The following MNAT1 variants were observed in gnomAD, a reference collection of about 807,000 sequenced individuals.
The protein encoded by MNAT1 is CDK-activating kinase assembly factor MAT1.
In MNAT1, 43 loss-of-function variants were observed where a neutral mutation model predicts 42.0. That is an observed-to-expected ratio of 1.02 (90% confidence interval 0.80 to 1.32). The LOEUF (loss-of-function observed/expected upper bound fraction) is 1.32. MNAT1 is among the 40% of genes most tolerant of loss of function. The probability of loss-of-function intolerance (pLI) is 0.00; values close to 1 mark genes in which losing one functional copy is unlikely to be tolerated. For missense variants in MNAT1, 306 were observed against 350.4 expected, an observed-to-expected ratio of 0.87 and a Z score of 1.01; for synonymous variants, 118 against 120.0, an observed-to-expected ratio of 0.98 and a Z score of 0.11.
intron 1 of MNAT1, among the ~76,000 whole-genome samples, chr14:60,786,607 A>C (rs1369897240): frequency 6.6e-6 from 1 of 152,198 alleles, no homozygotes; most frequent in African/African-American, 2.4e-5. Flanking sequence ...AACCTATTAC[A>C]TGTTACCACA....
intron 6 of MNAT1, among the ~76,000 whole-genome samples, chr14:60,825,601 A>G (rs1409323594): frequency 6.6e-6 from 1 of 152,202 alleles, no homozygotes; most frequent in Non-Finnish European, 1.5e-5. Context: ...TTATATCTTC[A>G]TAAAATAGAT....
chr14:60,740,419 AT>A lies in MNAT1; in HGVS notation c.89+5472del, dbSNP rs1469673486. ...GGATAGTTTATCCTGAAGAGTCCGA[AT>A]TTTGCTTATTGCATCTCTGTGATAT... On this transcript the variant is annotated intron_variant, in intron 1 of 7. Transcript: ENST00000261245. The surrounding 1 kb of genome is among the most constrained non-coding windows in gnomAD (Gnocchi z 4.1). 1.3e-5 allele frequency among the ~76,000 whole-genome samples: 2 copies of A among 151,766 alleles called. No individual in the cohort carries two copies. The highest frequency in any genetic ancestry group is 2.9e-5 in the Non-Finnish European group (2 of 67,974).
At chr14:60,746,447 GGAGGTTGCAGTGAGCC>G (rs1469296432) in intron 1 of MNAT1, among the ~76,000 whole-genome samples, 4 of 151,704 alleles carry the variant, frequency 2.6e-5, no homozygotes, top group Non-Finnish European at 2.9e-5. Flanking sequence ...CCTGGGAGGT[GGAGGTTGCAGTGAGCC>G]GAGACCGCAC....
chr14:60,826,475 C>A (rs1448119301), intron 6 of MNAT1, among the ~76,000 whole-genome samples: 4 of 151,950 alleles, frequency 2.6e-5, no homozygotes, highest in Non-Finnish European at 4.4e-5. Flanking sequence ...TGCCACCATG[C>A]CCGGCTAATT....
intron 1 of MNAT1, among the ~76,000 whole-genome samples, chr14:60,771,675 C>T (rs890282745): frequency 7.9e-5 from 12 of 152,302 alleles, no homozygotes; most frequent in Admixed American, 4.6e-4. Flanking sequence ...TCTCTACTAT[C>T]CTGAGCACTT....
intron 1 of MNAT1, among the ~76,000 whole-genome samples, chr14:60,745,819 T>G (rs552049009): frequency 1.3e-5 from 2 of 152,352 alleles, no homozygotes; most frequent in African/African-American, 4.8e-5. Context: ...TTGTTTTTAC[T>G]ACCTCAGCTC....
intron 7 of MNAT1, among the ~76,000 whole-genome samples, chr14:60,935,877 C>T (rs986499518): frequency 6.6e-6 from 1 of 152,092 alleles, no homozygotes; most frequent in Non-Finnish European, 1.5e-5. Flanking sequence ...CAGCTAAAAC[C>T]GGGCTCTTGT....
At chr14:60,775,031 T>G (rs1003978127) in intron 1 of MNAT1, among the ~76,000 whole-genome samples, 2 of 152,174 alleles carry the variant, frequency 1.3e-5, no homozygotes, top group African/African-American at 2.4e-5. Flanking sequence ...TACAGCTGTT[T>G]AGACTGGATA....
intron 1 of MNAT1, among the ~76,000 whole-genome samples, chr14:60,770,128 T>G (rs763102254): frequency 6.6e-6 from 1 of 152,228 alleles, no homozygotes; most frequent in Non-Finnish European, 1.5e-5. Context: ...AATCACTTTT[T>G]AACTTTCTGT....
intron 1 of MNAT1, among the ~76,000 whole-genome samples, chr14:60,784,231 C>T (rs1405102717): frequency 8.3e-6 from 1 of 121,084 alleles, no homozygotes; most frequent in African/African-American, 3.1e-5. Context: ...GCCATGTTGG[C>T]CAGGCTGGTC....
At chr14:60,945,313 G>T (rs995735169) in intron 7 of MNAT1, among the ~76,000 whole-genome samples, 2 of 151,746 alleles carry the variant, frequency 1.3e-5, no homozygotes, top group African/African-American at 4.8e-5. Flanking sequence ...TATGTAAGAG[G>T]GGAGTCAGGT....
intron 3 of MNAT1, 43 bp downstream of exon 3, chr14:60,798,203 G>A (rs745847683): frequency 8.7e-6 from 9 of 1,040,438 alleles, no homozygotes; most frequent in Non-Finnish European, 1.3e-5. Context: ...AAGACCATGT[G>A]CTTTTATCTT....
At chr14:60,767,736 G>A (rs1034315155) in intron 1 of MNAT1, among the ~76,000 whole-genome samples, 1 of 151,058 alleles carries the variant, frequency 6.6e-6, no homozygotes, top group South Asian at 2.1e-4. Flanking sequence ...GAGTAGCTGG[G>A]ATTACAGGCG....
At chr14:60,821,538 T>C (rs2032890125) in intron 6 of MNAT1, among the ~76,000 whole-genome samples, 2 of 152,212 alleles carry the variant, frequency 1.3e-5, no homozygotes, top group Non-Finnish European at 2.9e-5. Context: ...TCTGTGACTT[T>C]ATGGTGTTTA....
At chr14:60,793,436 G>C (rs2031894062) in intron 1 of MNAT1, among the ~76,000 whole-genome samples, 1 of 151,888 alleles carries the variant, frequency 6.6e-6, no homozygotes, top group African/African-American at 2.4e-5. Context: ...AATCACAGCT[G>C]ACAGTAACCT....
chr14:60,894,603 T>C (rs557659434), intron 7 of MNAT1, among the ~76,000 whole-genome samples: 8 of 152,286 alleles, frequency 5.3e-5, no homozygotes, highest in African/African-American at 1.9e-4. Flanking sequence ...AGATAAGGTA[T>C]AACCTTAGTG....
intron 1 of MNAT1, among the ~76,000 whole-genome samples, chr14:60,752,831 C>T (rs1298480852): frequency 6.6e-6 from 1 of 152,198 alleles, no homozygotes. Flanking sequence ...GTGGTGTGAT[C>T]TTGGCTCACT....
intron 6 of MNAT1, among the ~76,000 whole-genome samples, chr14:60,825,452 A>G (rs552639413): frequency 6.6e-6 from 1 of 152,324 alleles, no homozygotes; most frequent in East Asian, 1.9e-4. Context: ...TTAAGCAACT[A>G]TATCCCAGGG....
At chr14:60,788,802 A>T (rs896690093) in intron 1 of MNAT1, among the ~76,000 whole-genome samples, 3 of 152,080 alleles carry the variant, frequency 2.0e-5, no homozygotes, top group Non-Finnish European at 2.9e-5. Flanking sequence ...GATTGAAGAG[A>T]GTTAGGTATT....
Sources: gnomAD v4.1 joint callset for allele counts (sites outside exome capture counted in the v4.1 genomes callset) on GRCh38, gnomAD v4.1.1 for gene constraint, Gnocchi (gnomAD v3.1) non-coding constraint, MANE v1.5 for transcripts, NCBI Gene and HGNC (gene_info 2026-07-23, HGNC 2026-07-21) for gene names.